The following SMC2 variants were observed in gnomAD, a reference collection of about 807,000 sequenced individuals.
SMC2 encodes the protein structural maintenance of chromosomes protein 2.
Under a neutral mutation model 142.6 loss-of-function variants are expected in SMC2, and 41 were observed. That is an observed-to-expected ratio of 0.29 (90% confidence interval 0.22 to 0.37). SMC2 has a LOEUF of 0.37. Among genes scored for constraint, SMC2 ranks in the 10% least tolerant of loss-of-function variants. The probability of loss-of-function intolerance (pLI) is 1.00; values close to 1 mark genes in which losing one functional copy is unlikely to be tolerated. For missense variants in SMC2, 1,265 were observed against 1,373.7 expected (o/e 0.92, Z 1.25); for synonymous variants, 463 against 457.5 (o/e 1.01, Z -0.15).
At chr9:104,120,322 C>G (rs1833588509) in intron 16 of SMC2, among the ~76,000 whole-genome samples, 160 bp downstream of exon 16, 1 of 152,056 alleles carries the variant, frequency 6.6e-6, no homozygotes, top group Non-Finnish European at 1.5e-5. Flanking sequence ...TACCATTTAT[C>G]CATTTTTTTC....
intron 9 of SMC2, among the ~76,000 whole-genome samples, chr9:104,109,470 GTTC>G (rs1347439372): frequency 2.6e-5 from 4 of 152,218 alleles, no homozygotes; most frequent in Non-Finnish European, 5.9e-5. Context: ...CTGCGATAAT[GTTC>G]TTATTAGTTG....
chr9:104,117,710 T>G (rs1322513795), intron 14 of SMC2, among the ~76,000 whole-genome samples: 1 of 152,196 alleles, frequency 6.6e-6, no homozygotes, highest in Non-Finnish European at 1.5e-5. Context: ...AATTCAAAAC[T>G]ATGACACCCA....
chr9:104,089,163 T>G, the SMC2 span, among the ~76,000 whole-genome samples: 2 of 152,164 alleles, frequency 1.3e-5, no homozygotes, highest in East Asian at 3.8e-4. Flanking sequence ...TATAGAAACA[T>G]ATACATATAT....
At chr9:104,100,354 A>G (rs1830968121) in intron 6 of SMC2, 35 bp from the exon 7 acceptor site, 1 of 1,496,670 alleles carries the variant, frequency 6.7e-7, no homozygotes, top group South Asian at 1.2e-5. Flanking sequence ...ATGATACTTT[A>G]CATGCGAAAA....
chr9:104,127,567 C>T (rs568149602), intron 20 of SMC2, 87 bp downstream of exon 20: 2 of 1,002,950 alleles, frequency 2.0e-6, no homozygotes, highest in Admixed American at 3.0e-5. Flanking sequence ...TGATAGAGAA[C>T]TCTATAAATA....
chr9:104,126,571 TG>T, intron 18 of SMC2, 69 bp from the exon 19 acceptor site: 1 of 1,111,448 alleles, frequency 9.0e-7, no homozygotes, highest in Admixed American at 2.8e-5. Flanking sequence ...TTTATTTAAT[TG>T]TTCTGTACAT....
chr9:104,129,503 A>G (rs1420196468), intron 20 of SMC2, 142 bp from the exon 21 acceptor site: 1 of 170,006 alleles, frequency 5.9e-6, no homozygotes, highest in African/African-American at 2.8e-5. Flanking sequence ...ACTCCATCTC[A>G]AAAAAAAAAA....
chr9:104,100,711 A>T (rs1179302326), intron 7 of SMC2, among the ~76,000 whole-genome samples: 1 of 152,222 alleles, frequency 6.6e-6, no homozygotes, highest in Non-Finnish European at 1.5e-5. Flanking sequence ...GGATTTTCCT[A>T]GTTAGTTAGC....
rs200488464 is a variant in SMC2, at chr9:104,134,445, A to T, written c.3139A>T (p.Thr1047Ser). ...CAAGGACTTTGGGTCTATTTTTTCT[A>T]CTCTTTTGCCTGGTGCTAATGCTAT... ...VNKDFGSIFSTLLPGANAMLA... is the reference protein window; with the variant it reads ...VNKDFGSIFSSLLPGANAMLA... The change falls in exon 23 of 25, where the codon ACT becomes TCT. Residue 1047 changes from threonine (T) to serine (S), a missense_variant. By Grantham distance (58) the Thr-to-Ser change is moderately conservative (BLOSUM62 1). Around this residue, in one of 4 missense-constraint regions of SMC2, gnomAD observed 192 missense variants for 261.9 expected, o/e 0.73. Transcript: ENST00000374793. 2 of 1,598,332 alleles carry T rather than the reference A, an allele frequency of 1.3e-6. No homozygotes were observed. Among genetic ancestry groups the T allele is most frequent in the Non-Finnish European group, 8.5e-7 (1 of 1,174,270 alleles).
In SMC2 at chr9:104,113,401, A is replaced by G; in HGVS notation, c.1340A>G (p.Asp447Gly). Residue 447 changes from aspartate to glycine, a missense_variant, in exon 11 of 25, where the codon GAT becomes GGT. This residue lies in a region of SMC2 where 898 missense variants were observed against 904.2 expected (regional missense o/e 0.99). Transcript: ENST00000374793. ...AAGATGGATAGTGGCTACAGGAAGG[A>G]TCAAGAAGCTCTAGAAGCTGTAAAA... ...VKKMDSGYRK[D>G]QEALEAVKRL... The G allele has an allele frequency of 6.2e-7, 1 of 1,612,266 alleles. No homozygotes were observed.
At chr9:104,134,674 G>A in intron 23 of SMC2, 99 bp downstream of exon 23, 1 of 830,122 alleles carries the variant, frequency 1.2e-6, no homozygotes, top group Non-Finnish European at 1.8e-6. Flanking sequence ...ACCTTTGCAT[G>A]TAGAATTTAA....
chr9:104,096,837 G>GTTCC (rs1438806845), intron 3 of SMC2, among the ~76,000 whole-genome samples: 1 of 152,110 alleles, frequency 6.6e-6, no homozygotes, highest in Non-Finnish European at 1.5e-5. Context: ...TTTGTTCCTA[G>GTTCC]TTCCTTCACT....
intron 7 of SMC2, among the ~76,000 whole-genome samples, chr9:104,101,452 T>A (rs536731105): frequency 1.3e-5 from 2 of 152,320 alleles, no homozygotes; most frequent in African/African-American, 2.4e-5. Flanking sequence ...CACAATTGCT[T>A]TCTAAATCTA....
chr9:104,125,222 G>A (rs1345163715), intron 18 of SMC2, 117 bp downstream of exon 18: 2 of 740,044 alleles, frequency 2.7e-6, no homozygotes, highest in Non-Finnish European at 2.1e-6. Context: ...CTAAAAGGGA[G>A]CAGTGTTCTT....
intron 10 of SMC2, among the ~76,000 whole-genome samples, chr9:104,112,151 A>G (rs1314758223): frequency 1.3e-5 from 2 of 152,126 alleles, no homozygotes; most frequent in Non-Finnish European, 2.9e-5. Context: ...TTTATTTTTT[A>G]TTGATAACAT....
chr9:104,124,847 A>G lies in SMC2; in HGVS notation c.2258-65A>G. 5 of 1,276,296 alleles carry G rather than the reference A, an allele frequency of 3.9e-6. No homozygotes were observed. The South Asian group carries it at 4.2e-5, about 11-fold the overall frequency. 79.1% of individuals were successfully genotyped at this position (1,276,296 alleles called of 1,614,324 possible). A position where few individuals can be genotyped will look rare whatever the true frequency, so the allele number is the denominator to read the frequency against. On this transcript the variant is annotated intron_variant, in intron 17 of 24. Transcript: ENST00000374793. The stretch of plus-strand genomic sequence containing the variant: ...AATTTTCCAAACCATTTCTTCTATT[A>G]AAAGTTGAATTTGTCAACCTTTACC...
chr9:104,138,368 T>G (rs937053416), intron 24 of SMC2, among the ~76,000 whole-genome samples: 1 of 152,100 alleles, frequency 6.6e-6, no homozygotes, highest in Admixed American at 6.6e-5. Flanking sequence ...AGCTAGGCAT[T>G]AAAAATGTTG....
At chr9:104,092,691 C>T (rs1348143174), upstream of SMC2, 1 of 152,174 alleles carries the variant, frequency 6.6e-6, no homozygotes, top group Non-Finnish European at 1.5e-5. Context: ...GGAATCCTTT[C>T]TTAAACAAAA....
intron 9 of SMC2, among the ~76,000 whole-genome samples, chr9:104,110,981 A>T (rs1832375366): frequency 6.6e-6 from 1 of 152,236 alleles, no homozygotes; most frequent in African/African-American, 2.4e-5. Context: ...TAAGCACTTA[A>T]TAAATATTTG....
Sources: gnomAD v4.1 joint callset for allele counts (sites outside exome capture counted in the v4.1 genomes callset) on GRCh38, gnomAD v4.1.1 for gene constraint, gnomAD v4.1.1 regional missense constraint, MANE v1.5 for transcripts, NCBI Gene and HGNC (gene_info 2026-07-23, HGNC 2026-07-21) for gene names.